SLCO4C1: variants seen among roughly 807,000 people sequenced by gnomAD.
SLCO4C1 encodes solute carrier organic anion transporter family member 4C1, also known as organic anion transporter M1.
Under a neutral mutation model 72.1 loss-of-function variants are expected in SLCO4C1, and 58 were observed. The ratio of observed to expected loss-of-function variants is 0.80; its 90% CI spans 0.65 to 1.00. SLCO4C1 has a LOEUF of 1.00. SLCO4C1 is among the 50% of genes least tolerant of loss of function. The pLI is 0.00. For missense variants in SLCO4C1, 898 were observed against 857.9 expected, an observed-to-expected ratio of 1.05 and a Z score of -0.58; for synonymous variants, 297 against 312.5, an observed-to-expected ratio of 0.95 and a Z score of 0.52.
At chr5:102,291,917 G>T in intron 1 of SLCO4C1, among the ~76,000 whole-genome samples, 1 of 151,954 alleles carries the variant, frequency 6.6e-6, no homozygotes, top group East Asian at 1.9e-4. Flanking sequence ...CACCTCCAGG[G>T]TTCAAGTGAT....
intron 8 of SLCO4C1, among the ~76,000 whole-genome samples, chr5:102,251,925 A>C (rs1748747004): frequency 6.6e-6 from 1 of 152,020 alleles, no homozygotes; most frequent in African/African-American, 2.4e-5. Flanking sequence ...AAAAGAAAGA[A>C]GGAGCTAGAG....
chr5:102,274,003 C>T (rs1421087121), intron 2 of SLCO4C1, among the ~76,000 whole-genome samples: 1 of 151,784 alleles, frequency 6.6e-6, no homozygotes, highest in Non-Finnish European at 1.5e-5. Context: ...AACAATACAC[C>T]AATAAAAGAA....
intron 3 of SLCO4C1, among the ~76,000 whole-genome samples, chr5:102,264,396 A>T (rs1188692635): frequency 6.7e-6 from 1 of 149,762 alleles, no homozygotes; most frequent in South Asian, 2.1e-4. Context: ...TTGACCACTC[A>T]TGTCTTTTTA....
Position 102,260,330 on chromosome 5 carries a change from A to T in SLCO4C1, c.1022-11T>A, listed in dbSNP as rs71586551. 9,130 of 49,356 alleles carry T rather than the reference A, an allele frequency of 0.18. 1,855 individuals are homozygous for T. Among genetic ancestry groups the T allele is most frequent in the Non-Finnish European group, 0.25 (7,279 of 29,438 alleles). The allele number at this position is 49,356 out of a possible 1,614,324, so 3.1% of individuals were successfully genotyped here. A position where few individuals can be genotyped will look rare whatever the true frequency, so the allele number is the denominator to read the frequency against. ...GAATTTCTGCTGTACCTAAAAAAAA[A>T]ATATATATATATATATAATATATAT... On this transcript the variant is annotated splice_polypyrimidine_tract_variant and intron_variant, in intron 5 of 12. Transcript: ENST00000310954.
rs747147229 is a variant in SLCO4C1, at chr5:102,240,700, TA to T, written c.1876+17del. ...AAAATAGCCAACAGTTAGCAATGAA[TA>T]AAGAAAAATGGCATACCTAATAATC... On this transcript the variant is annotated intron_variant, in intron 11 of 12. Transcript: ENST00000310954. The T allele has an allele frequency of 6.2e-7, 1 of 1,602,074 alleles. No homozygotes were observed. Among genetic ancestry groups the T allele is most frequent in the South Asian group, 1.1e-5 (1 of 89,450 alleles).
At chr5:102,280,090 C>CAAAAAAAAAAAAAAAAAAAAA (rs36217271) in intron 2 of SLCO4C1, among the ~76,000 whole-genome samples, 1 of 68,858 alleles carries the variant, frequency 1.5e-5, no homozygotes. Flanking sequence ...TGCAATAAGG[C>CAAAAAAAAAAAAAAAAAAAAA]AAAAAAAAAA....
chr5:102,240,847 T>A, intron 10 of SLCO4C1, 65 bp from the exon 11 acceptor site: 1 of 1,156,410 alleles, frequency 8.6e-7, no homozygotes, highest in South Asian at 1.5e-5. Flanking sequence ...TTTGAGCAAG[T>A]TCACATTTAT....
intron 2 of SLCO4C1, among the ~76,000 whole-genome samples, chr5:102,291,054 G>A (rs1225974214): frequency 6.6e-6 from 1 of 152,160 alleles, no homozygotes; most frequent in Non-Finnish European, 1.5e-5. Context: ...CTCCAATGAG[G>A]TCACAACCTG....
intron 9 of SLCO4C1, among the ~76,000 whole-genome samples, chr5:102,249,380 G>C (rs185420728): frequency 1.3e-5 from 2 of 152,170 alleles, no homozygotes; most frequent in East Asian, 1.9e-4. Flanking sequence ...AAAACAATTT[G>C]AAAAGGTAAA....
chr5:102,257,289 G>A lies in SLCO4C1; in HGVS notation c.1295C>T (p.Ala432Val). Reference protein sequence around the residue: ...TLGGAVLIPGAALGQILGGFL... With the variant: ...TLGGAVLIPGVALGQILGGFL... ...GCCACCTAAAATTTGACCGAGAGCAGCTCCAGGAATTAAAACAGCCCCTAA... is the reference window on the plus strand; with the variant it reads ...GCCACCTAAAATTTGACCGAGAGCAACTCCAGGAATTAAAACAGCCCCTAA... Residue 432 changes from alanine to valine, a missense_variant, in exon 8 of 13, where the codon GCT (alanine) becomes GTT (valine). Coordinates refer to ENST00000310954, the MANE Select transcript of SLCO4C1 (RefSeq NM_180991.5). 1 of 1,597,636 alleles carries A rather than the reference G, an allele frequency of 6.3e-7. No homozygotes were observed. The highest frequency in any genetic ancestry group is 2.3e-5 in the East Asian group (1 of 44,106).
At chr5:102,290,694 A>G (rs1749535036) in intron 2 of SLCO4C1, among the ~76,000 whole-genome samples, 1 of 152,236 alleles carries the variant, frequency 6.6e-6, no homozygotes, top group African/African-American at 2.4e-5. Context: ...AGTCCCAGGA[A>G]GGACATTAAA....
chr5:102,259,503 C>G (rs1223272915), intron 6 of SLCO4C1, among the ~76,000 whole-genome samples: 3 of 151,990 alleles, frequency 2.0e-5, no homozygotes, highest in Non-Finnish European at 4.4e-5. Context: ...GAAGTAAAAA[C>G]ATTTTAAGGC....
intron 2 of SLCO4C1, among the ~76,000 whole-genome samples, chr5:102,290,638 T>C (rs1378970630): frequency 6.6e-6 from 1 of 152,248 alleles, no homozygotes; most frequent in African/African-American, 2.4e-5. Flanking sequence ...TCTGAATTTA[T>C]AACCATCTGA....
At chr5:102,248,267 T>G (rs1386236582) in intron 9 of SLCO4C1, among the ~76,000 whole-genome samples, 1 of 152,090 alleles carries the variant, frequency 6.6e-6, no homozygotes, top group African/African-American at 2.4e-5. Flanking sequence ...AAATGTATAT[T>G]GCCTATCTGA....
Position 102,277,983 on chromosome 5 carries a change from A to G in SLCO4C1, c.620-7177T>C, listed in dbSNP as rs1324467932. Among the ~76,000 whole-genome samples, 3 of 152,136 alleles carry G rather than the reference A, an allele frequency of 2.0e-5. No individual in the cohort carries two copies. The East Asian group carries it at 5.8e-4, about 29-fold the overall frequency. On this transcript the variant is annotated intron_variant, in intron 2 of 12. Transcript: ENST00000310954. The stretch of plus-strand genomic sequence containing the variant: ...AAACAAAGAACAAACACAAAACAAA[A>G]TATTAAAAGTACAGGTTTAAACTTT...
intron 4 of SLCO4C1, 99 bp from the exon 5 acceptor site, chr5:102,262,132 A>G: frequency 3.3e-6 from 3 of 899,612 alleles, no homozygotes; most frequent in Non-Finnish European, 4.7e-6. Context: ...TGCATATAGT[A>G]GAATATGATT....
At chr5:102,266,005 T>C (rs1749031737) in intron 3 of SLCO4C1, among the ~76,000 whole-genome samples, 1 of 152,182 alleles carries the variant, frequency 6.6e-6, no homozygotes, top group Non-Finnish European at 1.5e-5. Flanking sequence ...GTTTTGTAGT[T>C]TTCCTTTAAA....
chr5:102,250,577 A>T (rs982982326), intron 8 of SLCO4C1, among the ~76,000 whole-genome samples: 3 of 152,204 alleles, frequency 2.0e-5, no homozygotes, highest in African/African-American at 7.2e-5. Flanking sequence ...GTAATATGCT[A>T]AGTGTGGTTA....
intron 3 of SLCO4C1, 103 bp downstream of exon 3, chr5:102,270,521 G>T: frequency 3.3e-6 from 3 of 900,790 alleles, no homozygotes; most frequent in Non-Finnish European, 3.1e-6. Flanking sequence ...AAAACCTATG[G>T]CATTACAACT....
Sources: gnomAD v4.1 joint callset for allele counts (sites outside exome capture counted in the v4.1 genomes callset) on GRCh38, gnomAD v4.1.1 for gene constraint, MANE v1.5 for transcripts, NCBI Gene and HGNC (gene_info 2026-07-23, HGNC 2026-07-21) for gene names.